The following CCDC178 variants were observed in gnomAD, a reference collection of about 807,000 sequenced individuals.
CCDC178 encodes coiled-coil domain-containing protein 178.
CCDC178 carries 126 observed loss-of-function variants against 117.4 expected under a neutral mutation model. The ratio of observed to expected loss-of-function variants is 1.07; its 90% CI spans 0.93 to 1.24. CCDC178 has a LOEUF of 1.24. Among genes scored for constraint, CCDC178 ranks in the 50% most tolerant of loss-of-function variants. The pLI is 0.00. For synonymous variants in CCDC178, 283 were observed against 313.4 expected (o/e 0.90, Z 1.02); for missense variants, 1,030 against 986.9 (o/e 1.04, Z -0.59).
At chr18:33,311,179 A>C (rs560538462) in intron 11 of CCDC178, among the ~76,000 whole-genome samples, 1 of 151,074 alleles carries the variant, frequency 6.6e-6, no homozygotes, top group East Asian at 1.9e-4. Context: ...AAAACAAAAC[A>C]AAAAACAAAC....
chr18:33,253,629 A>G (rs2059642396), intron 14 of CCDC178, among the ~76,000 whole-genome samples: 1 of 151,912 alleles, frequency 6.6e-6, no homozygotes, highest in South Asian at 2.1e-4. Flanking sequence ...TCAAATGTAG[A>G]GATGGAGAAT....
intron 11 of CCDC178, among the ~76,000 whole-genome samples, chr18:33,294,692 G>A (rs1478534779): frequency 6.6e-6 from 1 of 152,172 alleles, no homozygotes; most frequent in East Asian, 1.9e-4. Context: ...GTTAGGCAAT[G>A]AGAGTTAGAT....
At chr18:33,088,824 C>T (rs571347235) in intron 21 of CCDC178, among the ~76,000 whole-genome samples, 47 of 152,190 alleles carry the variant, frequency 3.1e-4, no homozygotes, top group Middle Eastern at 3.4e-3. Context: ...TGCTTATCTG[C>T]AGTTTATTGG....
At chr18:33,319,955 G>A (rs535864544) in intron 11 of CCDC178, among the ~76,000 whole-genome samples, 1 of 152,162 alleles carries the variant, frequency 6.6e-6, no homozygotes, top group Non-Finnish European at 1.5e-5. Flanking sequence ...ATCAATAAAC[G>A]TAATCCAGCA....
chr18:33,170,342 G>T (rs1286092024), intron 20 of CCDC178, among the ~76,000 whole-genome samples: 1 of 151,952 alleles, frequency 6.6e-6, no homozygotes, highest in African/African-American at 2.4e-5. Context: ...TTTAAGAGGG[G>T]CATATTTCTT....
chr18:33,035,045 C>G (rs1598811587), intron 21 of CCDC178, among the ~76,000 whole-genome samples: 1 of 151,966 alleles, frequency 6.6e-6, no homozygotes, highest in Non-Finnish European at 1.5e-5. Context: ...TATTTAAGGT[C>G]AGCTGTTTGG....
chr18:33,041,740 T>C (rs1259283509), intron 21 of CCDC178, among the ~76,000 whole-genome samples: 2 of 151,514 alleles, frequency 1.3e-5, no homozygotes, highest in African/African-American at 4.8e-5. Context: ...AAAATCAAGA[T>C]AAGAAAACCA....
chr18:33,049,633 G>A (rs2056708371), intron 21 of CCDC178, among the ~76,000 whole-genome samples: 1 of 152,128 alleles, frequency 6.6e-6, no homozygotes, highest in Admixed American at 6.6e-5. Context: ...AACAGGGTGA[G>A]TGTTTGATAA....
intron 12 of CCDC178, among the ~76,000 whole-genome samples, chr18:33,272,922 A>G (rs2059906902): frequency 6.6e-6 from 1 of 151,404 alleles, no homozygotes; most frequent in African/African-American, 2.4e-5. Context: ...TACCTGTGAA[A>G]GCCAACATCA....
At chr18:32,978,684 T>A (rs1348456952) in intron 21 of CCDC178, among the ~76,000 whole-genome samples, 2 of 152,146 alleles carry the variant, frequency 1.3e-5, no homozygotes, top group Non-Finnish European at 2.9e-5. Flanking sequence ...TTTTTAAAAT[T>A]GTATTGCAGA....
intron 21 of CCDC178, among the ~76,000 whole-genome samples, chr18:33,068,833 C>T (rs1405260515): frequency 6.6e-6 from 1 of 151,880 alleles, no homozygotes; most frequent in Non-Finnish European, 1.5e-5. Context: ...AATCAGGCAA[C>T]ATAAATAAAT....
intron 21 of CCDC178, among the ~76,000 whole-genome samples, chr18:33,059,495 T>G (rs1886399194): frequency 6.6e-6 from 1 of 152,136 alleles, no homozygotes; most frequent in South Asian, 2.1e-4. Context: ...TGAGAATATT[T>G]TTATGCTTCT....
rs7236638 is a variant in CCDC178 at position 33,422,072 on chromosome 18, T to C, written c.-22-9962A>G. Among the ~76,000 whole-genome samples, 1,239 of 152,318 alleles carry C rather than the reference T, an allele frequency of 8.1e-3. 14 individuals carry two copies. Among genetic ancestry groups the C allele is most frequent in the African/African-American group, 0.029 (1,186 of 41,562 alleles). ...TGGCAATGCAGGGGTCTTCCTCTAC[T>C]GGTTTCTTATTCTTCTATTTGTGCT... On this transcript the variant is annotated intron_variant, in intron 2 of 22. Transcript: ENST00000383096.
chr18:33,279,141 A>T (rs890367058), intron 12 of CCDC178, among the ~76,000 whole-genome samples: 15 of 152,262 alleles, frequency 9.9e-5, no homozygotes, highest in Admixed American at 9.2e-4. Context: ...AGGGTATTCA[A>T]TTAGGAAAAG....
At chr18:33,388,537 T>TTTTTTTTTTTTTTTTTTTTGAAG in intron 5 of CCDC178, among the ~76,000 whole-genome samples, 1 of 115,850 alleles carries the variant, frequency 8.6e-6, no homozygotes, top group African/African-American at 3.3e-5. Flanking sequence ...TTTTTTTTTT[T>TTTTTTTTTTTTTTTTTTTTGAAG]GAGACGGAGT....
At chr18:33,279,159 C>A (rs1469362137) in intron 12 of CCDC178, among the ~76,000 whole-genome samples, 1 of 152,136 alleles carries the variant, frequency 6.6e-6, no homozygotes, top group Non-Finnish European at 1.5e-5. Flanking sequence ...AAGAGGAAGT[C>A]AAATTGTCCC....
At chr18:33,225,761 G>C (rs924182309) in intron 16 of CCDC178, among the ~76,000 whole-genome samples, 5 of 152,152 alleles carry the variant, frequency 3.3e-5, no homozygotes, top group African/African-American at 1.2e-4. Context: ...GAAACATATA[G>C]AAGCAAACAC....
intron 20 of CCDC178, among the ~76,000 whole-genome samples, chr18:33,188,315 T>A (rs2058819537): frequency 6.6e-6 from 1 of 152,098 alleles, no homozygotes; most frequent in African/African-American, 2.4e-5. Flanking sequence ...AAGATTTCCA[T>A]CTTAGGCTTA....
intron 12 of CCDC178, among the ~76,000 whole-genome samples, chr18:33,274,258 A>T (rs1337644232): frequency 2.0e-5 from 3 of 151,872 alleles, no homozygotes; most frequent in Non-Finnish European, 4.4e-5. Flanking sequence ...GATAATACTG[A>T]TTGTTGCTAA....
Sources: gnomAD v4.1 joint callset for allele counts (sites outside exome capture counted in the v4.1 genomes callset) on GRCh38, gnomAD v4.1.1 for gene constraint, MANE v1.5 for transcripts, NCBI Gene and HGNC (gene_info 2026-07-23, HGNC 2026-07-21) for gene names.